Variants in NCOA1 observed in about 807,000 individuals in gnomAD.
The protein encoded by NCOA1 is Hin-2 protein.
In NCOA1, 35 loss-of-function variants were observed where a neutral mutation model predicts 150.9. The observed-to-expected ratio is 0.23, with a 90% CI of 0.18 to 0.31. The LOEUF (loss-of-function observed/expected upper bound fraction) is 0.31. Ranked by LOEUF, NCOA1 falls within the 10% of genes least tolerant of loss-of-function variation. NCOA1 has a pLI of 1.00. For missense variants in NCOA1, 1,491 were observed against 1,749.3 expected (o/e 0.85, Z 2.63); for synonymous variants, 590 against 630.0 (o/e 0.94, Z 0.95).
At chr2:24,752,284 A>T (rs1664290507) in intron 20 of NCOA1, 128 bp downstream of exon 20, 2 of 1,024,800 alleles carry the variant, frequency 2.0e-6, no homozygotes, top group Non-Finnish European at 2.8e-6. Context: ...ACAAAAGGCC[A>T]CATATGGCTA....
At chr2:24,747,491 G>T (rs147806337) in intron 19 of NCOA1, among the ~76,000 whole-genome samples, 1 of 151,448 alleles carries the variant, frequency 6.6e-6, no homozygotes, top group Non-Finnish European at 1.5e-5. Context: ...CACTGTGCCC[G>T]GCTAACTATT....
intron 3 of NCOA1, among the ~76,000 whole-genome samples, chr2:24,617,677 G>A (rs1405078510): frequency 6.6e-6 from 1 of 152,032 alleles, no homozygotes; most frequent in Non-Finnish European, 1.5e-5. Flanking sequence ...CATAAACTCA[G>A]GCTTGGCTAA....
intron 7 of NCOA1, among the ~76,000 whole-genome samples, chr2:24,678,610 G>A (rs1467118781): frequency 6.6e-6 from 1 of 152,084 alleles, no homozygotes; most frequent in Admixed American, 6.5e-5. Flanking sequence ...ATCTCATTGT[G>A]GTTTTGATTT....
chr2:24,494,869 A>G (rs1461886195), intron 1 of NCOA1, among the ~76,000 whole-genome samples: 2 of 152,226 alleles, frequency 1.3e-5, no homozygotes, highest in South Asian at 2.1e-4. Context: ...CTTCTTTCCC[A>G]GATTAGCAGT....
intron 1 of NCOA1, among the ~76,000 whole-genome samples, chr2:24,495,091 TG>T (rs1328609961): frequency 1.2e-4 from 16 of 135,824 alleles, no homozygotes; most frequent in East Asian, 4.4e-4. Flanking sequence ...GAGATGAAGG[TG>T]TTTTTTTTTT....
chr2:24,540,222 C>A lies in NCOA1; in HGVS notation c.-395-24073C>A, dbSNP rs13420222. ...GAATCAACAAAAAAGAACTTAGGAT[C>A]AAATAAAAAGTTACTAGAACAGAGT... On this transcript the variant is annotated intron_variant, in intron 1 of 22. Coordinates refer to ENST00000348332, the MANE Select transcript of NCOA1 (RefSeq NM_003743.5). Among the ~76,000 whole-genome samples the A allele has an allele frequency of 8.9e-3, 1,355 of 152,144 alleles. 25 individuals carry two copies. Among genetic ancestry groups the A allele is most frequent in the African/African-American group, 0.031 (1,284 of 41,498 alleles).
At chr2:24,615,417 T>G (rs1668832502) in intron 3 of NCOA1, among the ~76,000 whole-genome samples, 1 of 152,182 alleles carries the variant, frequency 6.6e-6, no homozygotes, top group Non-Finnish European at 1.5e-5. Context: ...TAACATAAAA[T>G]AGAACCTGTA....
intron 7 of NCOA1, among the ~76,000 whole-genome samples, chr2:24,679,784 G>C (rs756775490): frequency 1.4e-4 from 21 of 152,188 alleles, no homozygotes; most frequent in Non-Finnish European, 2.6e-4. Flanking sequence ...ATCTAGTGTT[G>C]AGATTTTAAA....
At chr2:24,739,011 C>G (rs1409256789) in intron 17 of NCOA1, among the ~76,000 whole-genome samples, 1 of 152,284 alleles carries the variant, frequency 6.6e-6, no homozygotes, top group Admixed American at 6.6e-5. Flanking sequence ...CCTTCATCTT[C>G]CAGACCTTTG....
chr2:24,537,453 T>A (rs1196736387), intron 1 of NCOA1, among the ~76,000 whole-genome samples: 1 of 151,560 alleles, frequency 6.6e-6, no homozygotes, highest in Non-Finnish European at 1.5e-5. Context: ...CATAATATAT[T>A]TGTGTGTGTA....
intron 1 of NCOA1, among the ~76,000 whole-genome samples, chr2:24,522,452 A>G (rs906671779): frequency 6.6e-6 from 1 of 152,206 alleles, no homozygotes; most frequent in African/African-American, 2.4e-5. Flanking sequence ...GAACTCTCCA[A>G]CTATAGTAGA....
At chr2:24,709,675 T>A (rs1044442954) in intron 13 of NCOA1, among the ~76,000 whole-genome samples, 1 of 152,230 alleles carries the variant, frequency 6.6e-6, no homozygotes, top group Non-Finnish European at 1.5e-5. Context: ...TTTGTCAATC[T>A]TTTCCTTTAT....
In NCOA1 at chr2:24,621,764, G is replaced by A. The variant is rs539865392; in HGVS notation, c.-174-22202G>A. The stretch of plus-strand genomic sequence containing the variant: ...CAAAGTGCTGGGATTACAGGCATGC[G>A]CCACCACGCCCAGCCTTTCAGGCAG... On this transcript the variant is annotated intron_variant, in intron 3 of 22. Transcript: ENST00000348332. Among the ~76,000 whole-genome samples, 246 of 152,206 alleles carry A rather than the reference G, an allele frequency of 1.6e-3. 3 individuals are homozygous for A. Among genetic ancestry groups the A allele is most frequent in the Admixed American group, 3.9e-3 (60 of 15,284 alleles).
At chr2:24,688,708 A>G (rs997697262) in intron 8 of NCOA1, among the ~76,000 whole-genome samples, 1 of 151,766 alleles carries the variant, frequency 6.6e-6, no homozygotes, top group African/African-American at 2.4e-5. Context: ...TTGCCTGTTT[A>G]CTCTCTTGAC....
chr2:24,727,468 A>G (rs4665272), intron 15 of NCOA1, among the ~76,000 whole-genome samples: 12,481 of 152,208 alleles, frequency 0.082, 566 homozygotes, highest in African/African-American at 0.12. Context: ...TCAGTGTCAC[A>G]TCTTGATTAG....
chr2:24,690,287 A>G (rs1672599381), intron 8 of NCOA1, among the ~76,000 whole-genome samples: 1 of 152,130 alleles, frequency 6.6e-6, no homozygotes. Flanking sequence ...CTAACACTTA[A>G]TAAAGGATGA....
In NCOA1 at chr2:24,512,473, C is replaced by A. The variant is rs367881256; in HGVS notation, c.-396+20871C>A. On this transcript the variant is annotated intron_variant, in intron 1 of 22. Transcript: ENST00000348332. ...CTTGTATTCCTAAAGCAATTCAGTT[C>A]AGTTTTTAAAAGCTCTAATGGCTAG... 4.6e-5 allele frequency among the ~76,000 whole-genome samples: 7 copies of A among 152,154 alleles called. No homozygotes were observed. In the East Asian group the frequency reaches 1.2e-3, roughly 25 times the overall value.
chr2:24,533,629 C>T (rs1202836195), intron 1 of NCOA1, among the ~76,000 whole-genome samples: 5 of 152,096 alleles, frequency 3.3e-5, no homozygotes, highest in Admixed American at 3.3e-4. Context: ...CCATCAATAC[C>T]TAGTTTATTG....
chr2:24,626,952 C>T (rs1669440702), intron 3 of NCOA1, among the ~76,000 whole-genome samples: 1 of 152,044 alleles, frequency 6.6e-6, no homozygotes, highest in Non-Finnish European at 1.5e-5. Context: ...GGTACAATGC[C>T]TATCACATAT....
Sources: allele counts gnomAD v4.1 joint callset (sites outside exome capture counted in the v4.1 genomes callset), GRCh38; gene constraint gnomAD v4.1.1; transcripts MANE v1.5; gene names NCBI Gene and HGNC (gene_info 2026-07-23, HGNC 2026-07-21).